The following PPP1R12A variants were observed in gnomAD, a reference collection of about 807,000 sequenced individuals.
PPP1R12A encodes the protein myosin binding subunit.
Under a neutral mutation model 139.6 loss-of-function variants are expected in PPP1R12A, and 19 were observed. The observed-to-expected ratio is 0.14, with a 90% CI of 0.09 to 0.20. PPP1R12A has a LOEUF of 0.20. Ranked by LOEUF, PPP1R12A falls within the 10% of genes least tolerant of loss-of-function variation. The pLI is 1.00. For synonymous variants in PPP1R12A, 427 were observed against 420.6 expected, an observed-to-expected ratio of 1.02 and a Z score of -0.19; for missense variants, 925 against 1,211.5, an observed-to-expected ratio of 0.76 and a Z score of 3.51.
chr12:79,925,552 C>T (rs1220365063), intron 1 of PPP1R12A, among the ~76,000 whole-genome samples: 2 of 152,174 alleles, frequency 1.3e-5, no homozygotes, highest in Admixed American at 1.3e-4. Context: ...ATATACATAA[C>T]ATTTAAATAG....
chr12:79,777,449 T>TA, intron 24 of PPP1R12A: 1 of 985,204 alleles, frequency 1.0e-6, no homozygotes, highest in South Asian at 4.7e-5. Context: ...AGTGAGCTCT[T>TA]ACAAAACACG....
At chr12:79,782,483 G>T in intron 22 of PPP1R12A, 1 of 425,094 alleles carries the variant, frequency 2.4e-6, no homozygotes, top group Admixed American at 3.0e-5. Flanking sequence ...TCCACTTCCT[G>T]TACTATCTGA....
At chr12:79,925,098 A>G (rs1340280437) in intron 1 of PPP1R12A, among the ~76,000 whole-genome samples, 1 of 152,206 alleles carries the variant, frequency 6.6e-6, no homozygotes, top group African/African-American at 2.4e-5. Flanking sequence ...TTTTAAAAAA[A>G]TGTTCTGGAG....
intron 2 of PPP1R12A, among the ~76,000 whole-genome samples, chr12:79,849,653 T>C (rs1221273422): frequency 6.6e-6 from 1 of 152,138 alleles, no homozygotes; most frequent in African/African-American, 2.4e-5. Flanking sequence ...ACACAGGTGT[T>C]CCAAACTGAA....
rs538841674 is a variant in PPP1R12A, at chr12:79,810,761, T to C, written c.1240-751A>G. Among the ~76,000 whole-genome samples, 7 of 152,284 alleles carry C rather than the reference T, an allele frequency of 4.6e-5. No homozygotes were observed. In the South Asian group the frequency reaches 6.2e-4, roughly 14 times the overall value. Reference sequence around the variant, plus strand: ...GGCATACAGAGTAGATAATATAGCATGTGACTGAACAAACTACTGCACATG... The same window carrying C: ...GGCATACAGAGTAGATAATATAGCACGTGACTGAACAAACTACTGCACATG... On this transcript the variant is annotated intron_variant, in intron 9 of 24. Transcript: ENST00000450142.
chr12:79,894,750 A>C (rs1884979492), intron 1 of PPP1R12A, among the ~76,000 whole-genome samples: 1 of 152,196 alleles, frequency 6.6e-6, no homozygotes, highest in African/African-American at 2.4e-5. Flanking sequence ...TTTTCTATTA[A>C]CTCATTATTG....
At chr12:79,910,200 C>T (rs1226714542) in intron 1 of PPP1R12A, among the ~76,000 whole-genome samples, 1 of 152,028 alleles carries the variant, frequency 6.6e-6, no homozygotes, top group Non-Finnish European at 1.5e-5. Context: ...AACCTTAAAA[C>T]CAGGCACAGT....
chr12:79,870,968 G>C (rs2137326065), intron 2 of PPP1R12A, among the ~76,000 whole-genome samples: 1 of 152,314 alleles, frequency 6.6e-6, no homozygotes, highest in South Asian at 2.1e-4. Context: ...AGAATACAGG[G>C]AGGATATTTT....
chr12:79,893,065 T>C (rs1219752420), intron 1 of PPP1R12A, among the ~76,000 whole-genome samples: 2 of 150,422 alleles, frequency 1.3e-5, no homozygotes, highest in Non-Finnish European at 2.9e-5. Context: ...ATTGCGCCAC[T>C]GTACTCCCAG....
rs1876049506 is a variant in PPP1R12A, at chr12:79,821,174, CAA to C, written c.868-10_868-9del. The stretch of plus-strand genomic sequence containing the variant: ...CCGTTTTTCACTATGGAGCTTTGTA[CAA>C]AGTTATGCAAAGGAAAATAAGAAAA... On this transcript the variant is annotated splice_polypyrimidine_tract_variant and intron_variant, in intron 6 of 24. Coordinates refer to ENST00000450142, the MANE Select transcript of PPP1R12A (RefSeq NM_002480.3). 1.3e-6 allele frequency: 2 copies of C among 1,574,272 alleles called. No homozygotes were observed. Among genetic ancestry groups the C allele is most frequent in the Non-Finnish European group, 8.7e-7 (1 of 1,150,436 alleles).
At chr12:79,802,610 C>T (rs1323987606) in intron 14 of PPP1R12A, among the ~76,000 whole-genome samples, 2 of 152,190 alleles carry the variant, frequency 1.3e-5, no homozygotes, top group African/African-American at 4.8e-5. Flanking sequence ...TAGCAAGACT[C>T]CATCTCTACA....
At chr12:79,911,375 A>G (rs528351549) in intron 1 of PPP1R12A, among the ~76,000 whole-genome samples, 22 of 152,302 alleles carry the variant, frequency 1.4e-4, no homozygotes, top group African/African-American at 5.1e-4. Context: ...GCATGTTCTC[A>G]TAAGTGGAAG....
chr12:79,921,110 T>G (rs1887401138), intron 1 of PPP1R12A, among the ~76,000 whole-genome samples: 1 of 152,170 alleles, frequency 6.6e-6, no homozygotes, highest in East Asian at 1.9e-4. Context: ...CTTAGTAGTG[T>G]CTGGCACAGA....
chr12:79,904,389 A>G (rs962525908), intron 1 of PPP1R12A, among the ~76,000 whole-genome samples: 17 of 152,224 alleles, frequency 1.1e-4, no homozygotes, highest in East Asian at 5.8e-4. Flanking sequence ...AAAGGCAGAC[A>G]CTTTCTGTAT....
chr12:79,865,951 A>C (rs372659834), intron 2 of PPP1R12A, among the ~76,000 whole-genome samples: 2 of 152,244 alleles, frequency 1.3e-5, no homozygotes, highest in Non-Finnish European at 2.9e-5. Context: ...GTTTCTTCAC[A>C]GAATTGGAAA....
intron 18 of PPP1R12A, 81 bp from the exon 19 acceptor site, chr12:79,794,009 G>T: frequency 9.9e-7 from 1 of 1,011,120 alleles, no homozygotes; most frequent in Non-Finnish European, 1.4e-6. Context: ...ATTTTTGGGA[G>T]TCCTTCTCTC....
chr12:79,827,388 T>G (rs1390790847), intron 5 of PPP1R12A, among the ~76,000 whole-genome samples: 1 of 152,170 alleles, frequency 6.6e-6, no homozygotes, highest in African/African-American at 2.4e-5. Context: ...GAATTAGCCC[T>G]GTTTTGAATA....
At chr12:79,893,641 C>T (rs2137435940) in intron 1 of PPP1R12A, among the ~76,000 whole-genome samples, 1 of 152,284 alleles carries the variant, frequency 6.6e-6, no homozygotes, top group South Asian at 2.1e-4. Flanking sequence ...TTTTCTGTAT[C>T]ATAGCTGACT....
rs375636985 is a variant in PPP1R12A at position 79,866,705 on chromosome 12, G to C, written c.368+6103C>G. Among the ~76,000 whole-genome samples, 11 of 152,224 alleles carry C rather than the reference G, an allele frequency of 7.2e-5. No homozygotes were observed. In the East Asian group the frequency reaches 1.2e-3, roughly 16 times the overall value. On this transcript the variant is annotated intron_variant, in intron 2 of 24. Coordinates refer to ENST00000450142, the MANE Select transcript of PPP1R12A (RefSeq NM_002480.3). Reference sequence around the variant, plus strand: ...AAAGAAGACATTTATGCAGCCAACAGACATATGAAAAAATGCTCATCATCA... The same window carrying C: ...AAAGAAGACATTTATGCAGCCAACACACATATGAAAAAATGCTCATCATCA...
Sources: allele counts gnomAD v4.1 joint callset (sites outside exome capture counted in the v4.1 genomes callset), GRCh38; gene constraint gnomAD v4.1.1; transcripts MANE v1.5; gene names NCBI Gene and HGNC (gene_info 2026-07-23, HGNC 2026-07-21).